The following VPS33A variants were observed in gnomAD, a reference collection of about 807,000 sequenced individuals.
The protein encoded by VPS33A is vacuolar protein sorting-associated protein 33A.
VPS33A carries 32 observed loss-of-function variants against 71.8 expected under a neutral mutation model. The ratio of observed to expected loss-of-function variants is 0.45; its 90% CI spans 0.34 to 0.60. VPS33A has a LOEUF of 0.60. Ranked by LOEUF, VPS33A falls within the 20% of genes least tolerant of loss-of-function variation. The probability of loss-of-function intolerance (pLI) is 0.02; values close to 1 mark genes in which losing one functional copy is unlikely to be tolerated. For missense variants in VPS33A, 625 were observed against 748.5 expected (o/e 0.84, Z 1.92); for synonymous variants, 311 against 292.7 (o/e 1.06, Z -0.64).
chr12:122,255,031 G>A lies in VPS33A; in HGVS notation c.484-3932C>T, dbSNP rs191255504. On this transcript the variant is annotated intron_variant, in intron 4 of 12. Coordinates refer to ENST00000267199, the MANE Select transcript of VPS33A (RefSeq NM_022916.6). ...GCACCAACGCACTCCAGCCTAGGCG[G>A]CAGAGTGAAACTCAGTTTCAAGGAA... is the stretch of plus-strand genomic sequence containing the variant. Among the ~76,000 whole-genome samples, 20 of 150,104 alleles carry A rather than the reference G, an allele frequency of 1.3e-4. No individual in the cohort carries two copies. In the East Asian group the frequency reaches 4.0e-3, roughly 30 times the overall value.
chr12:122,244,770 G>C lies in VPS33A; in HGVS notation c.776-8C>G, dbSNP rs976831409. ...GAGGTAATTTCACATAACCTGAGCA[G>C]CAGTGGAAGGGAATAAGCACCTGTG... is the stretch of plus-strand genomic sequence containing the variant. On this transcript the variant is annotated splice_polypyrimidine_tract_variant and splice_region_variant and intron_variant, in intron 6 of 12. Coordinates refer to ENST00000267199, the MANE Select transcript of VPS33A (RefSeq NM_022916.6). 3 of 1,606,930 alleles carry C rather than the reference G, an allele frequency of 1.9e-6. No individual in the cohort carries two copies. The highest frequency in any genetic ancestry group is 1.7e-6 in the Non-Finnish European group (2 of 1,174,606).
Position 122,244,717 on chromosome 12 carries a change from C to T in VPS33A, c.821G>A (p.Gly274Asp), listed in dbSNP as rs762088973. 21 of 1,614,106 alleles carry T rather than the reference C, an allele frequency of 1.3e-5. No homozygotes were observed. Among genetic ancestry groups the T allele is most frequent in the Non-Finnish European group, 1.6e-5 (19 of 1,179,998 alleles). Reference protein sequence around the residue: ...PPEKFAPKKQGDGGKDLPTEA... With the variant: ...PPEKFAPKKQDDGGKDLPTEA... ...CGTGGGGAGGTCCTTACCACCATCG[C>T]CCTGTTTCTTAGGTGCAAATTTCTC... Residue 274 changes from glycine (G) to aspartate (D), a missense_variant, in exon 7 of 13, where the codon GGC becomes GAC. Physicochemically the swap from Gly to Asp is moderately conservative, Grantham distance 94 (BLOSUM62 -1). Coordinates refer to ENST00000267199, the MANE Select transcript of VPS33A (RefSeq NM_022916.6).
rs1954550662 is a variant in VPS33A at position 122,230,810 on chromosome 12, A to C, written c.*1436T>G. On this transcript the variant is annotated 3_prime_UTR_variant, in exon 13 of 13. Coordinates refer to ENST00000267199, the MANE Select transcript of VPS33A (RefSeq NM_022916.6). Reference sequence around the variant, plus strand: ...AGCTAAGATGGAGGAGCAGAGGGGCAGAGAACACACGGATTTTCAACTTCT... The same window carrying C: ...AGCTAAGATGGAGGAGCAGAGGGGCCGAGAACACACGGATTTTCAACTTCT... 6.6e-6 allele frequency: 1 copy of C among 152,166 alleles called. No homozygotes were observed. The highest frequency in any genetic ancestry group is 6.5e-5 in the Admixed American group (1 of 15,272). The allele number at this position is 152,166 out of a possible 1,614,324, so 9.4% of individuals were successfully genotyped here.
chr12:122,238,091 A>G (rs1485881995), intron 10 of VPS33A, among the ~76,000 whole-genome samples: 2 of 151,926 alleles, frequency 1.3e-5, no homozygotes, highest in African/African-American at 4.8e-5. Flanking sequence ...AGCTATTATT[A>G]TCACACAAAT....
chr12:122,238,992 TACATACACACACAC>T (rs1369318780), intron 9 of VPS33A, among the ~76,000 whole-genome samples: 2 of 118,606 alleles, frequency 1.7e-5, no homozygotes, highest in Non-Finnish European at 3.5e-5. Context: ...CACACATACA[TACATACACACACAC>T]ACACACACAC....
chr12:122,264,026 C>T, intron 2 of VPS33A, 108 bp downstream of exon 2: 1 of 1,019,240 alleles, frequency 9.8e-7, no homozygotes, highest in Non-Finnish European at 1.4e-6. Context: ...TTTATAAAGA[C>T]CAAACAGCTT....
chr12:122,235,093 C>T (rs1378957535), intron 11 of VPS33A, among the ~76,000 whole-genome samples: 2 of 151,880 alleles, frequency 1.3e-5, no homozygotes, highest in Non-Finnish European at 1.5e-5. Context: ...ATCCTCTAAC[C>T]ACAGCCCCTC....
At chr12:122,251,788 G>A (rs1002410107) in intron 4 of VPS33A, among the ~76,000 whole-genome samples, 2 of 151,858 alleles carry the variant, frequency 1.3e-5, no homozygotes, top group East Asian at 1.9e-4. Flanking sequence ...GTGGGGGAAG[G>A]GGGGAGGGAT....
Position 122,235,827 on chromosome 12 carries a change from G to A in VPS33A, c.1399C>T (p.Arg467Trp), listed in dbSNP as rs776129222. ...TGGRNNYPTI[R>W]KTLRLWMDDV... ...TCCATCCAGAGGCGTAATGTTTTCC[G>A]TATAGTTGGGTAATTGTTTCTGCCC... is the stretch of plus-strand genomic sequence containing the variant. Residue 467 changes from arginine (R) to tryptophan (W), a missense_variant, in exon 11 of 13, where the codon CGG becomes TGG. Arg to Trp is a moderately radical substitution (Grantham distance 101). Transcript: ENST00000267199. 21 of 1,613,616 alleles carry A rather than the reference G, an allele frequency of 1.3e-5. No individual in the cohort carries two copies. Among genetic ancestry groups the A allele is most frequent in the Non-Finnish European group, 1.7e-5 (20 of 1,179,816 alleles).
At chr12:122,256,948 C>CA (rs1252685686) in intron 4 of VPS33A, among the ~76,000 whole-genome samples, 3 of 152,104 alleles carry the variant, frequency 2.0e-5, no homozygotes, top group Non-Finnish European at 4.4e-5. Flanking sequence ...GAAAATGACT[C>CA]AGAGATATTA....
intron 11 of VPS33A, among the ~76,000 whole-genome samples, chr12:122,234,883 C>A (rs1474309190): frequency 6.6e-6 from 1 of 152,206 alleles, no homozygotes; most frequent in Non-Finnish European, 1.5e-5. Context: ...CACAGCTCTT[C>A]TCTCCAGGTT....
At chr12:122,255,096 A>C (rs1954899272) in intron 4 of VPS33A, among the ~76,000 whole-genome samples, 1 of 152,138 alleles carries the variant, frequency 6.6e-6, no homozygotes, top group Non-Finnish European at 1.5e-5. Flanking sequence ...CTTTCTTACA[A>C]ATCATAAGTA....
chr12:122,245,023 G>C (rs1469202259), intron 6 of VPS33A, among the ~76,000 whole-genome samples: 2 of 152,124 alleles, frequency 1.3e-5, no homozygotes, highest in African/African-American at 2.4e-5. Context: ...TCAGGGATTA[G>C]GTCACTTTTC....
At chr12:122,256,343 G>A (rs984767136) in intron 4 of VPS33A, among the ~76,000 whole-genome samples, 8 of 151,968 alleles carry the variant, frequency 5.3e-5, no homozygotes, top group Non-Finnish European at 4.4e-5. Flanking sequence ...GGAGGCTGAG[G>A]CAGGCAGATC....
intron 4 of VPS33A, among the ~76,000 whole-genome samples, chr12:122,259,500 T>C (rs190539225): frequency 2.0e-5 from 3 of 152,248 alleles, no homozygotes; most frequent in Non-Finnish European, 4.4e-5. Flanking sequence ...ATCACAGGCG[T>C]GAGCCACCAC....
At position 122,235,918 on chromosome 12, in the gene VPS33A, G is replaced by A. The variant is rs532067980; in HGVS notation, c.1308C>T (p.Tyr436=). The A allele has an allele frequency of 2.0e-5, 32 of 1,604,378 alleles. No homozygotes were observed. The South Asian group carries it at 2.0e-4, about 10-fold the overall frequency. The change falls in exon 11 of 13, where the codon TAC becomes TAT. Residue 436 remains tyrosine, a synonymous_variant. Coordinates refer to ENST00000267199, the MANE Select transcript of VPS33A (RefSeq NM_022916.6). ...GTAAGGTCAATATGTGCTCATAGCC[G>A]TATGTCTGCAAGGGAAGTCATTTGG... ...DYYKREILQT[Y]GYEHILTLHN... is the part of the protein sequence containing the mutation.
chr12:122,246,376 T>G (rs969617803), intron 6 of VPS33A, among the ~76,000 whole-genome samples: 4 of 152,014 alleles, frequency 2.6e-5, no homozygotes, highest in African/African-American at 9.7e-5. Flanking sequence ...CTCAGCTCAC[T>G]ACAACCTCCA....
intron 10 of VPS33A, among the ~76,000 whole-genome samples, chr12:122,238,288 T>G (rs895408479): frequency 2.0e-5 from 3 of 152,232 alleles, no homozygotes; most frequent in African/African-American, 7.2e-5. Context: ...GGGCATGATC[T>G]TGACACACTG....
intron 4 of VPS33A, among the ~76,000 whole-genome samples, chr12:122,259,547 G>A (rs1488152186): frequency 6.6e-6 from 1 of 152,090 alleles, no homozygotes; most frequent in African/African-American, 2.4e-5. Context: ...TAAGAGAAAT[G>A]AAACCATACA....
Sources: gnomAD v4.1 joint callset for allele counts (sites outside exome capture counted in the v4.1 genomes callset) on GRCh38, gnomAD v4.1.1 for gene constraint, MANE v1.5 for transcripts, NCBI Gene and HGNC (gene_info 2026-07-23, HGNC 2026-07-21) for gene names.